PPP4R1: variants seen among roughly 807,000 people sequenced by gnomAD.
PPP4R1 encodes serine/threonine-protein phosphatase 4 regulatory subunit 1.
In PPP4R1, 42 loss-of-function variants were observed where a neutral mutation model predicts 111.2. The ratio of observed to expected loss-of-function variants is 0.38; its 90% CI spans 0.29 to 0.49. The LOEUF is 0.49. Ranked by LOEUF, PPP4R1 falls within the 20% of genes least tolerant of loss-of-function variation. The pLI is 0.97. For synonymous variants in PPP4R1, 409 were observed against 405.5 expected (o/e 1.01, Z -0.10); for missense variants, 1,012 against 1,161.6 (o/e 0.87, Z 1.87).
intron 2 of PPP4R1, chr18:9,599,812 A>C (rs2067350282): frequency 6.6e-6 from 1 of 152,196 alleles, no homozygotes; most frequent in Non-Finnish European, 1.5e-5. Flanking sequence ...CTTAAAGATA[A>C]ACAATAAAAT....
intron 10 of PPP4R1, among the ~76,000 whole-genome samples, chr18:9,571,945 G>A (rs2145122210): frequency 6.6e-6 from 1 of 152,230 alleles, no homozygotes; most frequent in African/African-American, 2.4e-5. Flanking sequence ...TGAGTTGAGA[G>A]GTAAGATAGG....
rs1399689232 is a variant in PPP4R1 at position 9,576,399 on chromosome 18, T to A, written c.1046+665A>T. On this transcript the variant is annotated intron_variant, in intron 10 of 19. Transcript: ENST00000400556. ...AATTAGTTTTTCCCCTAAATATATA[T>A]TATAATAAATTTTTAAAATTTAAAT... Among the ~76,000 whole-genome samples the A allele has an allele frequency of 4.6e-5, 7 of 152,046 alleles. No homozygotes were observed. The East Asian group carries it at 1.3e-3, about 29-fold the overall frequency.
At chr18:9,585,129 T>C (rs1230829979) in intron 6 of PPP4R1, among the ~76,000 whole-genome samples, 1 of 152,144 alleles carries the variant, frequency 6.6e-6, no homozygotes, top group African/African-American at 2.4e-5. Flanking sequence ...TTACTACTAC[T>C]TCATCATTTT....
chr18:9,550,696 T>C (rs1456581752), intron 16 of PPP4R1: 10 of 288,056 alleles, frequency 3.5e-5, no homozygotes, highest in East Asian at 8.7e-5. Flanking sequence ...AACTGGAACA[T>C]GGCCCACACT....
chr18:9,563,934 A>T (rs2066719758), intron 11 of PPP4R1: 2 of 158,180 alleles, frequency 1.3e-5, no homozygotes, highest in African/African-American at 4.8e-5. Context: ...TTTTAGCAGA[A>T]GAGCAGTCAC....
In PPP4R1 at chr18:9,549,180, G is replaced by C. The variant is rs748849446; in HGVS notation, c.2689+17C>G. The stretch of plus-strand genomic sequence containing the variant: ...CTTCTCTACTCACACGCTTCTTCTA[G>C]TGGAGTCACTACCTACCTTTTTCTA... On this transcript the variant is annotated intron_variant, in intron 19 of 19. Transcript: ENST00000400556. 6.2e-7 allele frequency: 1 copy of C among 1,608,176 alleles called. No individual in the cohort carries two copies. Among genetic ancestry groups the C allele is most frequent in the Non-Finnish European group, 8.5e-7 (1 of 1,174,894 alleles).
At chr18:9,555,874 C>T (rs184763006) in intron 15 of PPP4R1, among the ~76,000 whole-genome samples, 211 of 152,164 alleles carry the variant, frequency 1.4e-3, no homozygotes, top group East Asian at 3.1e-3. Context: ...TGGTGGCTCA[C>T]GCCTGTAATC....
intron 3 of PPP4R1, chr18:9,594,715 T>G (rs1173992407): frequency 3.5e-6 from 1 of 287,466 alleles, no homozygotes; most frequent in Non-Finnish European, 6.7e-6. Flanking sequence ...CATCATGTGT[T>G]GAAGGAATAA....
At chr18:9,587,962 C>G in intron 6 of PPP4R1, 127 bp downstream of exon 6, 1 of 1,185,418 alleles carries the variant, frequency 8.4e-7, no homozygotes, top group Non-Finnish European at 1.2e-6. Flanking sequence ...AGTGATCCAC[C>G]CACCTCGGCC....
chr18:9,576,949 G>A, intron 10 of PPP4R1, 115 bp downstream of exon 10: 9 of 1,062,184 alleles, frequency 8.5e-6, no homozygotes, highest in Non-Finnish European at 1.2e-5. Flanking sequence ...ATATTCAAGA[G>A]AAATAGCAAA....
intron 2 of PPP4R1, among the ~76,000 whole-genome samples, chr18:9,610,268 C>G (rs1489120605): frequency 6.6e-6 from 1 of 152,080 alleles, no homozygotes; most frequent in Admixed American, 6.5e-5. Context: ...TTTGTATTGT[C>G]TCCCATTATT....
chr18:9,555,405 G>A (rs1381437123), intron 15 of PPP4R1, among the ~76,000 whole-genome samples: 1 of 152,182 alleles, frequency 6.6e-6, no homozygotes, highest in African/African-American at 2.4e-5. Context: ...TAAGAACCAT[G>A]TATAGATGCC....
At chr18:9,601,740 G>T (rs62088881) in intron 2 of PPP4R1, among the ~76,000 whole-genome samples, 23,872 of 151,880 alleles carry the variant, frequency 0.16, 2,529 homozygotes, top group African/African-American at 0.3. Context: ...TGATCCGCCC[G>T]CCCTGGCCTC....
intron 2 of PPP4R1, among the ~76,000 whole-genome samples, chr18:9,601,096 CTGA>C (rs2067374016): frequency 6.6e-6 from 1 of 151,882 alleles, no homozygotes; most frequent in African/African-American, 2.4e-5. Flanking sequence ...GCCTCTTTCA[CTGA>C]TGAAGTAAAA....
intron 2 of PPP4R1, among the ~76,000 whole-genome samples, chr18:9,602,129 T>C (rs1190853962): frequency 2.0e-5 from 3 of 152,168 alleles, no homozygotes; most frequent in African/African-American, 7.2e-5. Flanking sequence ...ATCCTCTCTC[T>C]ATACTACTTG....
intron 11 of PPP4R1, among the ~76,000 whole-genome samples, chr18:9,569,302 C>T (rs1186999750): frequency 4.6e-5 from 7 of 151,794 alleles, no homozygotes; most frequent in Admixed American, 2.6e-4. Flanking sequence ...GCTGTAAAGA[C>T]GTTAAACATT....
chr18:9,563,772 TA>T (rs2145065330), intron 11 of PPP4R1: 1 of 407,334 alleles, frequency 2.5e-6, no homozygotes, highest in Non-Finnish European at 4.3e-6. Context: ...GTTTATCTGC[TA>T]CTGTACATTA....
chr18:9,607,852 G>T (rs1022302128), intron 2 of PPP4R1, among the ~76,000 whole-genome samples: 20 of 147,434 alleles, frequency 1.4e-4, no homozygotes, highest in African/African-American at 4.0e-4. Flanking sequence ...ATGCAATCTC[G>T]GCTCACTGCA....
chr18:9,563,571 T>C, intron 11 of PPP4R1, 21 bp from the exon 12 acceptor site: 2 of 1,542,370 alleles, frequency 1.3e-6, no homozygotes, highest in Non-Finnish European at 1.8e-6. Flanking sequence ...AATAAGGAAA[T>C]GGACAAAGTG....
Sources: allele counts gnomAD v4.1 joint callset (sites outside exome capture counted in the v4.1 genomes callset), GRCh38; gene constraint gnomAD v4.1.1; transcripts MANE v1.5; gene names NCBI Gene and HGNC (gene_info 2026-07-23, HGNC 2026-07-21).